SLC49A4: variants seen among roughly 807,000 people sequenced by gnomAD.
SLC49A4 encodes the protein disrupted in renal cancer protein 2.
A neutral mutation model predicts 50.6 loss-of-function variants in SLC49A4; 36 were observed. The ratio of observed to expected loss-of-function variants is 0.71; its 90% CI spans 0.55 to 0.94. The LOEUF is 0.94. SLC49A4 is among the 40% of genes least tolerant of loss of function. The pLI is 0.00. For synonymous variants in SLC49A4, 248 were observed against 241.2 expected (o/e 1.03, Z -0.26); for missense variants, 503 against 605.7 (o/e 0.83, Z 1.78).
chr3:122,800,381 CAA>C (rs1936113502), intron 1 of SLC49A4, among the ~76,000 whole-genome samples: 2 of 152,120 alleles, frequency 1.3e-5, no homozygotes, highest in Admixed American at 6.5e-5. Context: ...TAAAATGTAA[CAA>C]GAGGAATCAA....
At chr3:122,845,973 C>A in intron 5 of SLC49A4, 102 bp downstream of exon 5, 1 of 752,510 alleles carries the variant, frequency 1.3e-6, no homozygotes, top group Non-Finnish European at 2.1e-6. Context: ...CTGGGTAAAA[C>A]ATCGTCCTAT....
intron 2 of SLC49A4, among the ~76,000 whole-genome samples, chr3:122,812,041 A>C (rs1276127999): frequency 6.6e-6 from 1 of 151,932 alleles, no homozygotes; most frequent in Admixed American, 6.6e-5. Flanking sequence ...TTGCAGCCTC[A>C]AACTCCTAGG....
Position 122,842,811 on chromosome 3 carries a change from A to G in SLC49A4, c.834-2952A>G, listed in dbSNP as rs75478892. Among the ~76,000 whole-genome samples the G allele has an allele frequency of 4.3e-3, 653 of 152,218 alleles. 15 individuals carry two copies. The East Asian group carries it at 0.063, about 15-fold the overall frequency. The stretch of plus-strand genomic sequence containing the variant: ...AAAGAGTCCTTTTCACCAGTACCTA[A>G]CATTCCTTTGTCTTTTATTGCTTAC... On this transcript the variant is annotated intron_variant, in intron 4 of 8. Transcript: ENST00000261038.
chr3:122,815,657 C>G (rs989636019), intron 2 of SLC49A4, among the ~76,000 whole-genome samples: 1 of 152,228 alleles, frequency 6.6e-6, no homozygotes, highest in African/African-American at 2.4e-5. Context: ...AAAGTCCTGT[C>G]CAATTAATGC....
chr3:122,836,238 A>G (rs1936683882), intron 4 of SLC49A4, among the ~76,000 whole-genome samples: 1 of 152,104 alleles, frequency 6.6e-6, no homozygotes, highest in Non-Finnish European at 1.5e-5. Context: ...CCTTTTCTGC[A>G]TCTATTGAGA....
intron 2 of SLC49A4, among the ~76,000 whole-genome samples, chr3:122,808,937 T>C (rs1936260638): frequency 6.6e-6 from 1 of 152,092 alleles, no homozygotes; most frequent in African/African-American, 2.4e-5. Context: ...AATGATTCCA[T>C]GCTGTGGGAA....
At chr3:122,805,363 T>A (rs951261206) in intron 1 of SLC49A4, among the ~76,000 whole-genome samples, 1 of 152,232 alleles carries the variant, frequency 6.6e-6, no homozygotes, top group Non-Finnish European at 1.5e-5. Flanking sequence ...ATCCTTAATG[T>A]AGCATGTCTG....
chr3:122,823,122 GCCCTCTA>G (rs1047171257), intron 2 of SLC49A4, among the ~76,000 whole-genome samples: 4 of 152,172 alleles, frequency 2.6e-5, no homozygotes, highest in Non-Finnish European at 5.9e-5. Context: ...TGCACACCCT[GCCCTCTA>G]CCCTCTAGTC....
rs537106908 is a variant in SLC49A4 at position 122,845,748 on chromosome 3, A to G, written c.834-15A>G. 38 of 1,476,712 alleles carry G rather than the reference A, an allele frequency of 2.6e-5. No individual in the cohort carries two copies. In the East Asian group the frequency reaches 6.9e-4, roughly 27 times the overall value. 91.5% of individuals were successfully genotyped at this position (1,476,712 alleles called of 1,614,324 possible). A position where few individuals can be genotyped will look rare whatever the true frequency, so the allele number is the denominator to read the frequency against. On this transcript the variant is annotated splice_polypyrimidine_tract_variant and intron_variant, in intron 4 of 8. Coordinates refer to ENST00000261038, the MANE Select transcript of SLC49A4 (RefSeq NM_032839.3). ...TTAATTTGTTACAATGTTTCCTTTTATTTCTCATTCACAGCAATTTTCGAT... is the reference window on the plus strand; with the variant it reads ...TTAATTTGTTACAATGTTTCCTTTTGTTTCTCATTCACAGCAATTTTCGAT...
chr3:122,855,384 C>G (rs1445822019), intron 5 of SLC49A4, among the ~76,000 whole-genome samples: 1 of 152,142 alleles, frequency 6.6e-6, no homozygotes, highest in Non-Finnish European at 1.5e-5. Context: ...AAAGAGGAAC[C>G]AGTATTATTA....
intron 7 of SLC49A4, among the ~76,000 whole-genome samples, chr3:122,865,325 A>AG (rs1300472424): frequency 6.6e-6 from 1 of 152,226 alleles, no homozygotes; most frequent in Non-Finnish European, 1.5e-5. Flanking sequence ...TTACAGTTAG[A>AG]GGGCTTGACT....
chr3:122,796,000 G>C (rs141011859), intron 1 of SLC49A4, among the ~76,000 whole-genome samples: 2 of 152,350 alleles, frequency 1.3e-5, no homozygotes, highest in African/African-American at 4.8e-5. Context: ...AGCCCAGGAA[G>C]AGCTATTGGG....
chr3:122,845,943 C>T, intron 5 of SLC49A4, 72 bp downstream of exon 5: 1 of 1,149,708 alleles, frequency 8.7e-7, no homozygotes, highest in Non-Finnish European at 1.2e-6. Flanking sequence ...GTTACGTGTT[C>T]TTGGTTTTAG....
chr3:122,836,418 T>G (rs902989383), intron 4 of SLC49A4, among the ~76,000 whole-genome samples: 5 of 152,218 alleles, frequency 3.3e-5, no homozygotes, highest in African/African-American at 1.2e-4. Context: ...TGAGGATTTT[T>G]GCATCGATGT....
chr3:122,844,371 C>T (rs193109572), intron 4 of SLC49A4, among the ~76,000 whole-genome samples: 1 of 152,134 alleles, frequency 6.6e-6, no homozygotes, highest in Non-Finnish European at 1.5e-5. Context: ...CCATACCTGG[C>T]CAGAGCTTTT....
chr3:122,863,603 C>T (rs936891286), intron 7 of SLC49A4, among the ~76,000 whole-genome samples: 1 of 152,194 alleles, frequency 6.6e-6, no homozygotes, highest in African/African-American at 2.4e-5. Context: ...AGGAAACTTA[C>T]TACAAAATCT....
intron 3 of SLC49A4, among the ~76,000 whole-genome samples, chr3:122,827,789 A>G (rs1936553801): frequency 6.6e-6 from 1 of 152,254 alleles, no homozygotes; most frequent in East Asian, 1.9e-4. Flanking sequence ...CAATTATAAT[A>G]CAAGTAGAGA....
intron 2 of SLC49A4, among the ~76,000 whole-genome samples, chr3:122,814,036 C>T (rs1255665999): frequency 6.6e-6 from 1 of 152,108 alleles, no homozygotes; most frequent in Non-Finnish European, 1.5e-5. Context: ...TTTAGGAGGC[C>T]AAGGCAGGTG....
chr3:122,876,427 T>A (rs1937269285), intron 8 of SLC49A4, among the ~76,000 whole-genome samples: 1 of 152,166 alleles, frequency 6.6e-6, no homozygotes, highest in Non-Finnish European at 1.5e-5. Flanking sequence ...TGACTAATGG[T>A]TACCAGGAAA....
Sources: allele counts gnomAD v4.1 joint callset (sites outside exome capture counted in the v4.1 genomes callset), GRCh38; gene constraint gnomAD v4.1.1; transcripts MANE v1.5; gene names NCBI Gene and HGNC (gene_info 2026-07-23, HGNC 2026-07-21).